TEK: variants seen among roughly 807,000 people sequenced by gnomAD.
TEK encodes angiopoietin-1 receptor.
TEK carries 43 observed loss-of-function variants against 131.8 expected under a neutral mutation model. The ratio of observed to expected loss-of-function variants is 0.33; its 90% CI spans 0.26 to 0.42. The LOEUF is 0.42. TEK is among the 10% of genes least tolerant of loss of function. The probability of loss-of-function intolerance (pLI) is 1.00; values close to 1 mark genes in which losing one functional copy is unlikely to be tolerated. For missense variants in TEK, 1,162 were observed against 1,384.4 expected (o/e 0.84, Z 2.55); for synonymous variants, 580 against 491.6 (o/e 1.18, Z -2.38).
intron 9 of TEK, among the ~76,000 whole-genome samples, chr9:27,187,778 C>A (rs1428758260): frequency 6.6e-6 from 1 of 152,084 alleles, no homozygotes; most frequent in East Asian, 1.9e-4. Context: ...CTCCCTGTAT[C>A]TTCACAGGGA....
intron 1 of TEK, among the ~76,000 whole-genome samples, chr9:27,140,277 C>T (rs145759342): frequency 6.6e-5 from 10 of 151,980 alleles, no homozygotes; most frequent in Admixed American, 1.3e-4. Context: ...GTCTCTCATA[C>T]GCTCACCATG....
In TEK at chr9:27,228,321, A is replaced by C; in HGVS notation, c.3300+16A>C. On this transcript the variant is annotated intron_variant, in intron 22 of 22. Transcript: ENST00000380036. ...GGAGCGAAAGGTAAGTATTAAAGTCAGGCAGGAGATCTTTAATTGGAATAC... is the reference window on the plus strand; with the variant it reads ...GGAGCGAAAGGTAAGTATTAAAGTCCGGCAGGAGATCTTTAATTGGAATAC... 1 of 1,590,126 alleles carries C rather than the reference A, an allele frequency of 6.3e-7. No homozygotes were observed. Among genetic ancestry groups the C allele is most frequent in the Non-Finnish European group, 8.6e-7 (1 of 1,158,852 alleles).
At chr9:27,171,560 A>G (rs976761276) in intron 4 of TEK, among the ~76,000 whole-genome samples, 6 of 152,130 alleles carry the variant, frequency 3.9e-5, no homozygotes, top group Non-Finnish European at 7.3e-5. Context: ...ATGCTTAGCC[A>G]CCTCTATGGA....
At chr9:27,225,294 C>T (rs2131260066) in intron 21 of TEK, among the ~76,000 whole-genome samples, 1 of 152,206 alleles carries the variant, frequency 6.6e-6, no homozygotes, top group East Asian at 1.9e-4. Flanking sequence ...CAATCCTAAG[C>T]AAAAAGAACA....
rs144832605 is a variant in TEK at position 27,216,797 on chromosome 9, C to T, written c.2992-891C>T. ...CTCTGGAGAGCTGAGAAAGGTCCCT[C>T]AAGTGCTCCTGGTTTTGTTCCACCC... On this transcript the variant is annotated intron_variant, in intron 18 of 22. Coordinates refer to ENST00000380036, the MANE Select transcript of TEK (RefSeq NM_000459.5). Among the ~76,000 whole-genome samples, 351 of 152,184 alleles carry T rather than the reference C, an allele frequency of 2.3e-3. 2 individuals are homozygous for T. Among genetic ancestry groups the T allele is most frequent in the African/African-American group, 8.1e-3 (338 of 41,518 alleles).
At chr9:27,204,304 G>T (rs1282889433) in intron 13 of TEK, among the ~76,000 whole-genome samples, 20 of 152,158 alleles carry the variant, frequency 1.3e-4, no homozygotes, top group Admixed American at 1.3e-3. Context: ...ATAAGGAAAA[G>T]AAATAGATTT....
rs1270359611 is a variant in TEK, at chr9:27,220,716, G to A, written c.3200+571G>A. Among the ~76,000 whole-genome samples, 3 of 152,172 alleles carry A rather than the reference G, an allele frequency of 2.0e-5. No homozygotes were observed. In the East Asian group the frequency reaches 5.8e-4, roughly 29 times the overall value. On this transcript the variant is annotated intron_variant, in intron 21 of 22. Coordinates refer to ENST00000380036, the MANE Select transcript of TEK (RefSeq NM_000459.5). Reference sequence around the variant, plus strand: ...GGGAACTCCCTTCCTAGCGAAGGAGGGACGGTGCCATGACGAATGGTGCAT... The same window carrying A: ...GGGAACTCCCTTCCTAGCGAAGGAGAGACGGTGCCATGACGAATGGTGCAT...
intron 2 of TEK, among the ~76,000 whole-genome samples, chr9:27,163,029 G>C (rs1823600717): frequency 6.6e-6 from 1 of 152,146 alleles, no homozygotes; most frequent in Non-Finnish European, 1.5e-5. Context: ...AATTATTCTT[G>C]AGCCTCTATT....
intron 20 of TEK, 89 bp from the exon 21 acceptor site, chr9:27,219,960 C>A: frequency 9.6e-6 from 13 of 1,360,718 alleles, no homozygotes; most frequent in Non-Finnish European, 1.3e-5. Context: ...CCATGTCTTC[C>A]TCCTGGCCCC....
chr9:27,217,093 A>G (rs1055026795), intron 18 of TEK, among the ~76,000 whole-genome samples: 6 of 152,224 alleles, frequency 3.9e-5, no homozygotes, highest in Admixed American at 6.5e-5. Flanking sequence ...CGAAAGGATC[A>G]GTATGTCTCC....
intron 9 of TEK, among the ~76,000 whole-genome samples, chr9:27,187,516 A>G (rs1468960951): frequency 6.6e-6 from 1 of 152,194 alleles, no homozygotes; most frequent in Admixed American, 6.6e-5. Flanking sequence ...GAGCAGTTGT[A>G]TTCATAGTAG....
intron 13 of TEK, 37 bp downstream of exon 13, chr9:27,203,156 G>C (rs147215133): frequency 1.2e-6 from 2 of 1,608,622 alleles, no homozygotes; most frequent in South Asian, 1.1e-5. Context: ...TAGGATTACC[G>C]TGCAGCCCTA....
rs773518368 is a variant in TEK, at chr9:27,217,704, G to T, written c.3008G>T (p.Arg1003Leu). ...TCTCTCCAGGGAAGGCTCCCAGTGC[G>T]CTGGATGGCCATCGAGTCACTGAAT... is the stretch of plus-strand genomic sequence containing the variant. The part of the protein sequence containing the change: ...VKKTMGRLPV[R>L]WMAIESLNYS... Residue 1003 changes from arginine to leucine, a missense_variant, in exon 19 of 23, where the codon CGC (arginine) becomes CTC (leucine). Arg to Leu is a moderately radical substitution (Grantham distance 102). Coordinates refer to ENST00000380036, the MANE Select transcript of TEK (RefSeq NM_000459.5). 6.2e-7 allele frequency: 1 copy of T among 1,613,660 alleles called. No homozygotes were observed. Among genetic ancestry groups the T allele is most frequent in the Non-Finnish European group, 8.5e-7 (1 of 1,179,782 alleles).
At chr9:27,163,006 G>A (rs1016516761) in intron 2 of TEK, among the ~76,000 whole-genome samples, 5 of 152,294 alleles carry the variant, frequency 3.3e-5, no homozygotes, top group Admixed American at 1.3e-4. Context: ...GAGCCAGTGC[G>A]CCCAGCCACC....
chr9:27,114,757 G>A (rs1204434264), intron 1 of TEK, among the ~76,000 whole-genome samples: 1 of 152,132 alleles, frequency 6.6e-6, no homozygotes, highest in East Asian at 1.9e-4. Context: ...TCTTCTGTTA[G>A]GTGTGAAACA....
chr9:27,226,009 T>C (rs1416086957), intron 21 of TEK, among the ~76,000 whole-genome samples: 4 of 152,136 alleles, frequency 2.6e-5, no homozygotes. Context: ...ATTAGAGAAA[T>C]GCATATCAAA....
chr9:27,225,009 T>A (rs1826256041), intron 21 of TEK, among the ~76,000 whole-genome samples: 1 of 152,170 alleles, frequency 6.6e-6, no homozygotes, highest in Non-Finnish European at 1.5e-5. Flanking sequence ...CATTCACAAC[T>A]GCTACAAAGA....
intron 18 of TEK, among the ~76,000 whole-genome samples, chr9:27,217,418 G>A (rs1825855892): frequency 3.3e-5 from 5 of 152,084 alleles, no homozygotes; most frequent in Admixed American, 2.0e-4. Context: ...TGCCTCTGAG[G>A]GCTATAAGGT....
intron 19 of TEK, among the ~76,000 whole-genome samples, chr9:27,218,555 T>A (rs1825918105): frequency 1.3e-5 from 2 of 152,104 alleles, no homozygotes; most frequent in Admixed American, 1.3e-4. Context: ...CTAGTTAAAG[T>A]GATTTGGGGG....
Sources: gnomAD v4.1 joint callset for allele counts (sites outside exome capture counted in the v4.1 genomes callset) on GRCh38, gnomAD v4.1.1 for gene constraint, MANE v1.5 for transcripts, NCBI Gene and HGNC (gene_info 2026-07-23, HGNC 2026-07-21) for gene names.